Variants in RIPOR3 observed in about 807,000 individuals in gnomAD.
The protein encoded by RIPOR3 is RIPOR family member 3, also known as family with sequence similarity 65 member C.
A neutral mutation model predicts 114.3 loss-of-function variants in RIPOR3; 95 were observed. That is an observed-to-expected ratio of 0.83 (90% CI 0.70 to 0.99). The LOEUF is 0.99. RIPOR3 is among the 50% of genes least tolerant of loss of function. The probability of loss-of-function intolerance (pLI) is 0.00; values close to 1 mark genes in which losing one functional copy is unlikely to be tolerated. For missense variants in RIPOR3, 1,252 were observed against 1,266.9 expected (o/e 0.99, Z 0.18); for synonymous variants, 575 against 543.8 (o/e 1.06, Z -0.80).
At chr20:50,591,905 G>A (rs1364226740) in intron 19 of RIPOR3, among the ~76,000 whole-genome samples, 1 of 152,204 alleles carries the variant, frequency 6.6e-6, no homozygotes, top group Non-Finnish European at 1.5e-5. Context: ...GACCAGCCTG[G>A]CCAACATGGT....
chr20:50,652,220 A>C (rs1207264411), intron 1 of RIPOR3, among the ~76,000 whole-genome samples: 1 of 152,182 alleles, frequency 6.6e-6, no homozygotes, highest in Non-Finnish European at 1.5e-5. Flanking sequence ...TGTCCCTGGC[A>C]TGTACTCTCC....
At chr20:50,657,601 G>A (rs1334681746) in intron 1 of RIPOR3, among the ~76,000 whole-genome samples, 1 of 151,950 alleles carries the variant, frequency 6.6e-6, no homozygotes, top group East Asian at 1.9e-4. Flanking sequence ...TTACCTTTTA[G>A]TTGTTGTTAA....
At chr20:50,615,793 CGA>C (rs145868490) in intron 4 of RIPOR3, among the ~76,000 whole-genome samples, 2,518 of 152,246 alleles carry the variant, frequency 0.017, 72 homozygotes, top group African/African-American at 0.058. Context: ...CTTCTAGAAC[CGA>C]GAGACAGTGT....
chr20:50,610,772 C>T (rs2083947281), intron 6 of RIPOR3, 81 bp downstream of exon 6: 3 of 1,595,814 alleles, frequency 1.9e-6, no homozygotes, highest in Non-Finnish European at 2.6e-6. Context: ...AGGGCACCTC[C>T]CCAGCTCCTG....
intron 1 of RIPOR3, among the ~76,000 whole-genome samples, chr20:50,632,357 G>T (rs996539936): frequency 6.6e-6 from 1 of 152,188 alleles, no homozygotes; most frequent in Non-Finnish European, 1.5e-5. Context: ...AGCATGTCCC[G>T]AGAGCCCACA....
chr20:50,621,079 C>T, intron 2 of RIPOR3: 2 of 405,450 alleles, frequency 4.9e-6, no homozygotes, highest in Non-Finnish European at 4.8e-6. Flanking sequence ...AAAGACTGAG[C>T]CCCCTCCCCT....
chr20:50,592,315 G>C, intron 19 of RIPOR3, 29 bp downstream of exon 19: 1 of 1,525,086 alleles, frequency 6.6e-7, no homozygotes, highest in Non-Finnish European at 8.8e-7. Context: ...TCTGTGGCCA[G>C]GGTCTGCCAC....
chr20:50,664,888 GGT>G (rs2086129137), intron 1 of RIPOR3, among the ~76,000 whole-genome samples: 1 of 152,116 alleles, frequency 6.6e-6, no homozygotes. Context: ...GATCACCTGA[GGT>G]TAGGAGTTTG....
chr20:50,595,330 C>G, intron 16 of RIPOR3, 39 bp downstream of exon 16: 3 of 1,601,716 alleles, frequency 1.9e-6, no homozygotes, highest in Non-Finnish European at 2.6e-6. Flanking sequence ...CCCCGTGCCG[C>G]TCACATAGGC....
chr20:50,647,259 G>T (rs1477152152), intron 1 of RIPOR3, among the ~76,000 whole-genome samples: 1 of 152,050 alleles, frequency 6.6e-6, no homozygotes, highest in Non-Finnish European at 1.5e-5. Flanking sequence ...GGCGGAGGTT[G>T]TAGTGAGCCA....
Position 50,608,912 on chromosome 20 carries a change from C to A in RIPOR3, c.684G>T (p.Glu228Asp). Residue 228 changes from glutamate to aspartate, a missense_variant and splice_region_variant, in exon 9 of 22, where the codon GAG becomes GAT. Coordinates refer to ENST00000327979, the MANE Select transcript of RIPOR3 (RefSeq NM_001290268.2). ...YARLCPGDHY[E>D]VLMRLGRQRW... is the part of the protein sequence containing the mutation. ...GATTGACCCCAGAGAGTGGCCGTAC[C>A]TCATAGTGGTCTCCGGGACAGAGGC... 12 of 1,596,594 alleles carry A rather than the reference C, an allele frequency of 7.5e-6. No individual in the cohort carries two copies. The highest frequency in any genetic ancestry group is 1.0e-5 in the Non-Finnish European group (12 of 1,172,132).
At chr20:50,589,847 G>A (rs2083054671) in intron 19 of RIPOR3, 78 bp from the exon 20 acceptor site, 2 of 1,334,554 alleles carry the variant, frequency 1.5e-6, no homozygotes, top group East Asian at 4.9e-5. Context: ...CAGCCACCAG[G>A]TGCCGACAGT....
chr20:50,658,749 A>G (rs1568934868), intron 1 of RIPOR3, among the ~76,000 whole-genome samples: 1 of 152,158 alleles, frequency 6.6e-6, no homozygotes, highest in South Asian at 2.1e-4. Flanking sequence ...ATTTTATAAG[A>G]TGTTATTATT....
rs1303440718 is a variant in RIPOR3, at chr20:50,587,027, C to G, written c.*205G>C. 1 of 573,548 alleles carries G rather than the reference C, an allele frequency of 1.7e-6. No individual in the cohort carries two copies. The highest frequency in any genetic ancestry group is 3.1e-6 in the Non-Finnish European group (1 of 320,894). The allele number at this position is 573,548 out of a possible 1,614,324, so 35.5% of individuals were successfully genotyped here. On this transcript the variant is annotated 3_prime_UTR_variant, in exon 22 of 22. Transcript: ENST00000327979. ...GCCGTGCAGCCCCTGGAATGCTGTA[C>G]CTTTGCCTTGCTTTTTTCTGCCTCT...
intron 1 of RIPOR3, among the ~76,000 whole-genome samples, chr20:50,670,929 T>C (rs2086455587): frequency 6.6e-6 from 1 of 151,968 alleles, no homozygotes; most frequent in South Asian, 2.1e-4. Flanking sequence ...TATTTATTTA[T>C]TTATTTGATT....
chr20:50,671,424 G>A (rs1226451811), intron 1 of RIPOR3, among the ~76,000 whole-genome samples: 9 of 91,118 alleles, frequency 9.9e-5, no homozygotes, highest in African/African-American at 2.6e-4. Flanking sequence ...GTGCACGCGC[G>A]CGCGCACACA....
chr20:50,594,487 T>G (rs1210821154), intron 17 of RIPOR3, 66 bp downstream of exon 17: 13 of 1,553,150 alleles, frequency 8.4e-6, no homozygotes, highest in African/African-American at 1.4e-5. Flanking sequence ...GTGGCCACCC[T>G]GAAGGCCCTG....
At chr20:50,685,466 C>T (rs1204601522) in intron 1 of RIPOR3, among the ~76,000 whole-genome samples, 1 of 151,200 alleles carries the variant, frequency 6.6e-6, no homozygotes, top group African/African-American at 2.4e-5. Context: ...CCACGTGCCT[C>T]GGCCTCCCAA....
At chr20:50,629,400 A>G (rs542721725) in intron 2 of RIPOR3, among the ~76,000 whole-genome samples, 5 of 152,236 alleles carry the variant, frequency 3.3e-5, no homozygotes, top group Admixed American at 2.0e-4. Flanking sequence ...CTGCTCGTAA[A>G]TGGTTCCCTG....
Sources: gnomAD v4.1 joint callset for allele counts (sites outside exome capture counted in the v4.1 genomes callset) on GRCh38, gnomAD v4.1.1 for gene constraint, MANE v1.5 for transcripts, NCBI Gene and HGNC (gene_info 2026-07-23, HGNC 2026-07-21) for gene names.